The following ACSS2 variants were observed in gnomAD, a reference collection of about 807,000 sequenced individuals.
ACSS2 encodes acyl-CoA synthetase short chain family member 2.
In ACSS2, 58 loss-of-function variants were observed where a neutral mutation model predicts 90.6. That is an observed-to-expected ratio of 0.64 (90% confidence interval 0.52 to 0.80). The LOEUF is 0.80. ACSS2 is among the 30% of genes least tolerant of loss of function. ACSS2 has a pLI of 0.00. For missense variants in ACSS2, 759 were observed against 912.0 expected (o/e 0.83, Z 2.16); for synonymous variants, 300 against 330.9 (o/e 0.91, Z 1.01).
chr20:34,875,587 C>CA (rs527427121), upstream of ACSS2, among the ~76,000 whole-genome samples: 475 of 152,066 alleles, frequency 3.1e-3, 5 homozygotes, highest in African/African-American at 0.01. Flanking sequence ...AAAACAACAA[C>CA]AAAAAAAGAG....
At position 34,927,380 on chromosome 20, in the gene ACSS2, G is replaced by C. The variant is rs1404472131; in HGVS notation, c.*166G>C. 3 of 919,274 alleles carry C rather than the reference G, an allele frequency of 3.3e-6. No homozygotes were observed. The highest frequency in any genetic ancestry group is 3.3e-5 in the African/African-American group (2 of 60,768). The allele number at this position is 919,274 out of a possible 1,614,324, so 56.9% of individuals were successfully genotyped here. ...TCTCCAGGTAGAGACAACATCCTGT[G>C]ACTGCCAGGCAGAAAGGACAGGGCC... is the stretch of plus-strand genomic sequence containing the variant. On this transcript the variant is annotated 3_prime_UTR_variant, in exon 18 of 18. Coordinates refer to ENST00000360596, the MANE Select transcript of ACSS2 (RefSeq NM_018677.4). The surrounding 1 kb of genome is among the most constrained non-coding windows in gnomAD (Gnocchi z 4.2).
intron 2 of ACSS2, among the ~76,000 whole-genome samples, chr20:34,907,900 G>A (rs904017155): frequency 6.6e-6 from 1 of 152,200 alleles, no homozygotes; most frequent in Admixed American, 6.5e-5. Flanking sequence ...ACTGGAAAAA[G>A]GCTGATAATC....
chr20:34,881,368 T>G (rs912692111), intron 1 of ACSS2, among the ~76,000 whole-genome samples: 1 of 152,074 alleles, frequency 6.6e-6, no homozygotes, highest in African/African-American at 2.4e-5. Flanking sequence ...ACTCAGACTA[T>G]CCTAAATTCT....
chr20:34,894,840 T>G (rs1425654794), intron 2 of ACSS2, among the ~76,000 whole-genome samples: 2 of 152,204 alleles, frequency 1.3e-5, no homozygotes, highest in African/African-American at 4.8e-5. Context: ...AAATTATACA[T>G]TGAATTAGGG....
At chr20:34,902,800 A>G (rs1420288845) in intron 2 of ACSS2, among the ~76,000 whole-genome samples, 1 of 151,446 alleles carries the variant, frequency 6.6e-6, no homozygotes, top group African/African-American at 2.4e-5. Flanking sequence ...ATCTCAGCTC[A>G]CTGTAATCTC....
chr20:34,875,148 G>T (rs45585744), upstream of ACSS2: 29,184 of 534,730 alleles, frequency 0.055, 2,283 homozygotes, highest in East Asian at 0.24. Context: ...GTGAGAGATG[G>T]AGGAGGGTCC....
At chr20:34,915,154 T>C in intron 7 of ACSS2, 1 of 1,573,226 alleles carries the variant, frequency 6.4e-7, no homozygotes, top group Non-Finnish European at 8.8e-7. Flanking sequence ...CACTGACCCT[T>C]TCCTCCCACT....
chr20:34,899,076 A>AGGGCCGGCC (rs1403760380), intron 2 of ACSS2, among the ~76,000 whole-genome samples: 2 of 152,138 alleles, frequency 1.3e-5, no homozygotes, highest in African/African-American at 4.8e-5. Flanking sequence ...TGGGGCCGGC[A>AGGGCCGGCC]GGGCCGGCCG....
At chr20:34,913,624 A>G (rs754261662) in intron 4 of ACSS2, 128 bp downstream of exon 4, 27 of 1,247,004 alleles carry the variant, frequency 2.2e-5, no homozygotes, top group Non-Finnish European at 2.9e-5. Flanking sequence ...TCATAGGTCC[A>G]TATTAGTTAT....
chr20:34,896,849 A>G (rs2080474056), intron 2 of ACSS2, among the ~76,000 whole-genome samples: 1 of 152,220 alleles, frequency 6.6e-6, no homozygotes, highest in Non-Finnish European at 1.5e-5. Context: ...CCTGGCCAAC[A>G]TGGTGAAACC....
At chr20:34,894,012 G>A (rs1451393491) in intron 2 of ACSS2, among the ~76,000 whole-genome samples, 1 of 152,152 alleles carries the variant, frequency 6.6e-6, no homozygotes, top group Non-Finnish European at 1.5e-5. Context: ...GCATTTCTAA[G>A]TGTGATTTTT....
chr20:34,907,387 G>C (rs2080835041), intron 2 of ACSS2, among the ~76,000 whole-genome samples: 1 of 152,210 alleles, frequency 6.6e-6, no homozygotes, highest in African/African-American at 2.4e-5. Context: ...CAAAGTGTGG[G>C]ATTACATGTG....
chr20:34,918,723 A>G (rs1035416923), intron 7 of ACSS2, among the ~76,000 whole-genome samples: 2 of 152,184 alleles, frequency 1.3e-5, no homozygotes, highest in Non-Finnish European at 2.9e-5. Context: ...CTGTTGACTT[A>G]TTTTACTACT....
intron 2 of ACSS2, among the ~76,000 whole-genome samples, chr20:34,910,129 C>A (rs111252291): frequency 7.0e-4 from 106 of 151,452 alleles, no homozygotes; most frequent in Non-Finnish European, 9.1e-4. Flanking sequence ...TCAAGCGATT[C>A]TCCTGCTTCA....
Position 34,926,944 on chromosome 20 carries a change from C to A in ACSS2, c.1971C>A (p.Thr657=). 6.2e-7 allele frequency: 1 copy of A among 1,614,144 alleles called. No homozygotes were observed. The highest frequency in any genetic ancestry group is 8.5e-7 in the Non-Finnish European group (1 of 1,180,022). The change falls in exon 17 of 18, where the codon ACC becomes ACA. Residue 657 remains threonine (T), a synonymous_variant. Coordinates refer to ENST00000360596, the MANE Select transcript of ACSS2 (RefSeq NM_018677.4). ...YIQNAPGLPK[T]RSGKIMRRVL... ...AGAATGCACCTGGCTTGCCTAAAAC[C>A]CGCTCAGGTATGTTCAGAGGCCTCC...
At chr20:34,881,682 A>G (rs1163670469) in intron 1 of ACSS2, among the ~76,000 whole-genome samples, 2 of 152,230 alleles carry the variant, frequency 1.3e-5, no homozygotes, top group East Asian at 3.9e-4. Context: ...CATCTTTCAG[A>G]TTTTAGCAAA....
At chr20:34,902,044 G>A (rs1173034521) in intron 2 of ACSS2, among the ~76,000 whole-genome samples, 4 of 151,712 alleles carry the variant, frequency 2.6e-5, no homozygotes, top group Non-Finnish European at 5.9e-5. Flanking sequence ...TTTTTAATAT[G>A]GAGCTCTCCC....
intron 13 of ACSS2, 55 bp downstream of exon 13, chr20:34,921,921 G>A (rs974235494): frequency 6.4e-7 from 1 of 1,567,312 alleles, no homozygotes; most frequent in Non-Finnish European, 8.6e-7. Context: ...GTCTGCCAAG[G>A]GTACTTTGCT....
intron 1 of ACSS2, among the ~76,000 whole-genome samples, chr20:34,880,696 T>C (rs1245642525): frequency 6.6e-6 from 1 of 152,204 alleles, no homozygotes; most frequent in African/African-American, 2.4e-5. Flanking sequence ...GACATTGGGC[T>C]TAATAATTTT....
Sources: gnomAD v4.1 joint callset for allele counts (sites outside exome capture counted in the v4.1 genomes callset) on GRCh38, gnomAD v4.1.1 for gene constraint, Gnocchi (gnomAD v3.1) non-coding constraint, MANE v1.5 for transcripts, NCBI Gene and HGNC (gene_info 2026-07-23, HGNC 2026-07-21) for gene names.